Variants in LMLN observed in about 807,000 individuals in gnomAD.
LMLN encodes leishmanolysin-like peptidase.
A neutral mutation model predicts 92.3 loss-of-function variants in LMLN; 70 were observed. The ratio of observed to expected loss-of-function variants is 0.76; its 90% CI spans 0.63 to 0.92. The LOEUF (loss-of-function observed/expected upper bound fraction) is 0.92, where lower values mean the gene tolerates loss of function less well. Ranked by LOEUF, LMLN falls within the 40% of genes least tolerant of loss-of-function variation. The probability of loss-of-function intolerance (pLI) is 0.00; values close to 1 mark genes in which losing one functional copy is unlikely to be tolerated. For missense variants in LMLN, 691 were observed against 814.6 expected (o/e 0.85, Z 1.85); for synonymous variants, 308 against 296.2 (o/e 1.04, Z -0.41).
At chr3:197,979,923 A>G (rs1033314303) in intron 5 of LMLN, among the ~76,000 whole-genome samples, 3 of 152,030 alleles carry the variant, frequency 2.0e-5, no homozygotes, top group African/African-American at 7.2e-5. Context: ...ATTAGGTAAG[A>G]TTTTTTTTAC....
At chr3:198,037,709 T>G (rs1723271944) in intron 15 of LMLN, among the ~76,000 whole-genome samples, 1 of 152,182 alleles carries the variant, frequency 6.6e-6, no homozygotes, top group Non-Finnish European at 1.5e-5. Flanking sequence ...TAAAATAAGG[T>G]CAGGTTGGCC....
At chr3:198,040,663 ACTC>A (rs1329286084) in exon 16 of LMLN, 2 of 78,240 alleles carry the variant, frequency 2.6e-5, no homozygotes, top group Admixed American at 1.1e-4. Context: ...CCTCGGACAG[ACTC>A]CTCCTACTCC....
intron 9 of LMLN, among the ~76,000 whole-genome samples, chr3:197,991,130 A>G (rs1486862766): frequency 2.2e-5 from 3 of 138,578 alleles, no homozygotes; most frequent in Non-Finnish European, 4.6e-5. Flanking sequence ...TTTTTTTGAT[A>G]CAGGGTCTCA....
chr3:197,960,491 A>C lies in LMLN; in HGVS notation c.219+51A>C, dbSNP rs764732659. 3.8e-5 allele frequency: 58 copies of C among 1,541,642 alleles called. No homozygotes were observed. In the Admixed American group the frequency reaches 9.8e-4, roughly 26 times the overall value. ...CCCTCTCAGGGTAAAGTCACCCAGA[A>C]GGAGCAGGCGTAGGAGATAGTGACT... is the stretch of plus-strand genomic sequence containing the variant. On this transcript the variant is annotated intron_variant, in intron 1 of 15. Transcript: ENST00000330198.
At chr3:197,966,531 C>G (rs1345898728) in intron 1 of LMLN, among the ~76,000 whole-genome samples, 1 of 150,432 alleles carries the variant, frequency 6.6e-6, no homozygotes, top group Admixed American at 6.7e-5. Flanking sequence ...CCTTCTATAC[C>G]TAGTTTTCTA....
chr3:197,998,990 A>G (rs1722100186), intron 10 of LMLN, among the ~76,000 whole-genome samples: 1 of 152,200 alleles, frequency 6.6e-6, no homozygotes, highest in Admixed American at 6.5e-5. Context: ...CTGTTTCCAT[A>G]TAGATTTATC....
chr3:197,970,181 T>TA (rs916165470), intron 1 of LMLN, among the ~76,000 whole-genome samples: 1 of 151,730 alleles, frequency 6.6e-6, no homozygotes, highest in South Asian at 2.1e-4. Context: ...ATAAAATAAA[T>TA]AAAAAAAATA....
At chr3:198,005,963 A>G (rs1398982803) in intron 11 of LMLN, among the ~76,000 whole-genome samples, 1 of 152,118 alleles carries the variant, frequency 6.6e-6, no homozygotes, top group Non-Finnish European at 1.5e-5. Flanking sequence ...CTAAAAATAT[A>G]AAAATTAGCC....
At chr3:198,024,508 C>A in intron 13 of LMLN, 150 bp from the exon 15 acceptor site, 1 of 656,282 alleles carries the variant, frequency 1.5e-6, no homozygotes. Flanking sequence ...AGCCACCGTG[C>A]CCAGCCTACC....
chr3:198,010,824 G>C (rs1406086389), intron 11 of LMLN, among the ~76,000 whole-genome samples: 1 of 152,078 alleles, frequency 6.6e-6, no homozygotes, highest in Non-Finnish European at 1.5e-5. Context: ...GTAGCTATTT[G>C]TTGCTATAAA....
intron 5 of LMLN, among the ~76,000 whole-genome samples, chr3:197,979,922 G>A (rs1455981956): frequency 6.6e-6 from 1 of 151,982 alleles, no homozygotes; most frequent in Admixed American, 6.6e-5. Context: ...CATTAGGTAA[G>A]ATTTTTTTTA....
intron 12 of LMLN, among the ~76,000 whole-genome samples, chr3:198,020,290 G>A (rs1722743468): frequency 6.6e-6 from 1 of 152,052 alleles, no homozygotes; most frequent in Non-Finnish European, 1.5e-5. Context: ...GCCACCATAT[G>A]CCTGGCCATG....
intron 9 of LMLN, among the ~76,000 whole-genome samples, chr3:197,994,860 C>T (rs1227592121): frequency 6.6e-6 from 1 of 152,216 alleles, no homozygotes; most frequent in Non-Finnish European, 1.5e-5. Context: ...TCCATGTTTA[C>T]ACAACAGATT....
intron 9 of LMLN, among the ~76,000 whole-genome samples, chr3:197,995,927 A>G (rs1722005899): frequency 6.6e-6 from 1 of 152,176 alleles, no homozygotes; most frequent in Non-Finnish European, 1.5e-5. Flanking sequence ...TTTTTTAGCT[A>G]TATGTTGCAA....
intron 14 of LMLN, among the ~76,000 whole-genome samples, chr3:198,032,641 C>T (rs750915595): frequency 2.0e-5 from 3 of 152,024 alleles, no homozygotes; most frequent in African/African-American, 7.2e-5. Context: ...TCACATAGAG[C>T]GGGAACGAGA....
rs996046046 is a variant in LMLN, at chr3:198,042,811, A to C, written c.*4144A>C. On this transcript the variant is annotated 3_prime_UTR_variant, in exon 16 of 16. Transcript: ENST00000330198. The surrounding 1 kb of genome is among the most constrained non-coding windows in gnomAD (Gnocchi z 4.2). Reference sequence around the variant, plus strand: ...AAACAAAATTTACAGGAAGGAAGCAAAAGCCATGTCAGTAGCCTTGAGCTG... The same window carrying C: ...AAACAAAATTTACAGGAAGGAAGCACAAGCCATGTCAGTAGCCTTGAGCTG... 2.0e-5 allele frequency: 3 copies of C among 152,230 alleles called. No individual in the cohort carries two copies. Among genetic ancestry groups the C allele is most frequent in the African/African-American group, 7.2e-5 (3 of 41,464 alleles). 9.4% of individuals were successfully genotyped at this position (152,230 alleles called of 1,614,324 possible).
intron 1 of LMLN, among the ~76,000 whole-genome samples, chr3:197,969,651 C>G (rs73091346): frequency 6.6e-6 from 1 of 152,134 alleles, no homozygotes; most frequent in African/African-American, 2.4e-5. Context: ...ATGTCCCACA[C>G]GCACTGAAGC....
At chr3:198,021,753 T>G (rs1463998519) in intron 13 of LMLN, 148 bp downstream of exon 14, 13 of 627,428 alleles carry the variant, frequency 2.1e-5, no homozygotes, top group Non-Finnish European at 3.5e-5. Context: ...AGAAGTGACT[T>G]AACTTTTCCC....
At chr3:197,972,344 A>G (rs888998057) in intron 1 of LMLN, among the ~76,000 whole-genome samples, 2 of 152,264 alleles carry the variant, frequency 1.3e-5, no homozygotes, top group Admixed American at 6.5e-5. Context: ...GATTACAGGC[A>G]TGAGCCACCG....
Sources: gnomAD v4.1 joint callset for allele counts (sites outside exome capture counted in the v4.1 genomes callset) on GRCh38, gnomAD v4.1.1 for gene constraint, Gnocchi (gnomAD v3.1) non-coding constraint, MANE v1.5 for transcripts, NCBI Gene and HGNC (gene_info 2026-07-23, HGNC 2026-07-21) for gene names.